Variants in LRMDA observed in about 807,000 individuals in gnomAD.
The protein encoded by LRMDA is leucine-rich melanocyte differentiation-associated protein.
In LRMDA, 18 loss-of-function variants were observed where a neutral mutation model predicts 29.8. The observed-to-expected ratio is 0.60, with a 90% CI of 0.42 to 0.90. The LOEUF is 0.90. Ranked by LOEUF, LRMDA falls within the 40% of genes least tolerant of loss-of-function variation. LRMDA has a pLI of 0.00. For missense variants in LRMDA, 273 were observed against 273.9 expected (o/e 1.00, Z 0.02); for synonymous variants, 125 against 109.4 (o/e 1.14, Z -0.89).
chr10:76,389,762 A>T (rs1334812243), intron 6 of LRMDA, among the ~76,000 whole-genome samples: 1 of 152,222 alleles, frequency 6.6e-6, no homozygotes, highest in Non-Finnish European at 1.5e-5. Flanking sequence ...GCTTAGCATA[A>T]TGTCCTCAAA....
intron 6 of LRMDA, among the ~76,000 whole-genome samples, chr10:76,486,275 T>C (rs1842781534): frequency 6.6e-6 from 1 of 151,952 alleles, no homozygotes; most frequent in Non-Finnish European, 1.5e-5. Flanking sequence ...GTAATTCCAA[T>C]GTCAATTAAG....
chr10:76,147,571 T>C (rs1850352246), intron 5 of LRMDA, among the ~76,000 whole-genome samples: 1 of 152,122 alleles, frequency 6.6e-6, no homozygotes, highest in Non-Finnish European at 1.5e-5. Flanking sequence ...TTGGTTATTC[T>C]AGTTATCCAT....
chr10:76,034,060 G>C (rs764689579), intron 2 of LRMDA, among the ~76,000 whole-genome samples: 10 of 152,180 alleles, frequency 6.6e-5, no homozygotes, highest in Non-Finnish European at 1.2e-4. Context: ...GAGCTGGAAG[G>C]AACACAGAAC....
chr10:75,835,398 T>G (rs1844416047), intron 2 of LRMDA, among the ~76,000 whole-genome samples: 2 of 152,240 alleles, frequency 1.3e-5, no homozygotes, highest in Non-Finnish European at 2.9e-5. Context: ...GTGATGACAT[T>G]GGGTCCACCC....
chr10:75,669,832 T>C (rs1407142621), intron 2 of LRMDA, among the ~76,000 whole-genome samples: 1 of 152,222 alleles, frequency 6.6e-6, no homozygotes, highest in Non-Finnish European at 1.5e-5. Context: ...AAGAAAATGA[T>C]AGCTAAGTAC....
At chr10:76,017,360 C>T (rs1847895397) in intron 2 of LRMDA, among the ~76,000 whole-genome samples, 1 of 152,228 alleles carries the variant, frequency 6.6e-6, no homozygotes, top group Non-Finnish European at 1.5e-5. Flanking sequence ...CTAGTGCCTT[C>T]AGAGGGAGCG....
chr10:75,614,724 G>A (rs889733804), intron 2 of LRMDA, among the ~76,000 whole-genome samples: 2 of 151,762 alleles, frequency 1.3e-5, no homozygotes, highest in African/African-American at 4.8e-5. Flanking sequence ...TAATAGCTGT[G>A]TTACTCATGA....
intron 6 of LRMDA, among the ~76,000 whole-genome samples, chr10:76,334,860 A>G (rs1840948513): frequency 6.6e-6 from 1 of 152,126 alleles, no homozygotes; most frequent in Non-Finnish European, 1.5e-5. Flanking sequence ...CATGTAGGAG[A>G]TGAAAAAGAA....
At chr10:76,432,381 A>T (rs764205532) in intron 6 of LRMDA, among the ~76,000 whole-genome samples, 3 of 152,144 alleles carry the variant, frequency 2.0e-5, no homozygotes, top group Non-Finnish European at 4.4e-5. Flanking sequence ...AACCTTCCCT[A>T]CAATTTCTCT....
intron 6 of LRMDA, among the ~76,000 whole-genome samples, chr10:76,440,939 T>C (rs1842296208): frequency 6.6e-6 from 1 of 152,224 alleles, no homozygotes; most frequent in East Asian, 1.9e-4. Flanking sequence ...ATCAGCTGAC[T>C]CTGACAGAGT....
intron 5 of LRMDA, among the ~76,000 whole-genome samples, chr10:76,096,403 A>G (rs1438372267): frequency 6.6e-5 from 10 of 151,880 alleles, no homozygotes; most frequent in Admixed American, 5.9e-4. Context: ...CTTGCCTTTC[A>G]TCTTTGTCAA....
intron 2 of LRMDA, among the ~76,000 whole-genome samples, chr10:75,844,666 C>T (rs992598674): frequency 6.6e-6 from 1 of 152,120 alleles, no homozygotes; most frequent in Non-Finnish European, 1.5e-5. Flanking sequence ...ATGTCAAGAC[C>T]CCTTAGGTCG....
intron 2 of LRMDA, among the ~76,000 whole-genome samples, chr10:76,029,999 G>A (rs186540994): frequency 3.3e-5 from 5 of 152,266 alleles, no homozygotes; most frequent in East Asian, 3.9e-4. Context: ...GGGCTCAAGC[G>A]ATTCTCTTGC....
chr10:75,724,708 A>C (rs988181828), intron 2 of LRMDA, among the ~76,000 whole-genome samples: 2 of 152,184 alleles, frequency 1.3e-5, no homozygotes, highest in Admixed American at 1.3e-4. Flanking sequence ...GTTAAGCTAA[A>C]GGGTTCTTCA....
At chr10:75,748,634 T>G (rs1842917450) in intron 2 of LRMDA, among the ~76,000 whole-genome samples, 1 of 152,180 alleles carries the variant, frequency 6.6e-6, no homozygotes, top group African/African-American at 2.4e-5. Flanking sequence ...GGTACTGTGT[T>G]TGCTCCGTTA....
At chr10:76,493,046 A>G (rs1288942953) in intron 6 of LRMDA, among the ~76,000 whole-genome samples, 1 of 152,054 alleles carries the variant, frequency 6.6e-6, no homozygotes, top group East Asian at 1.9e-4. Context: ...TGATTGTTCA[A>G]GGCCCCAGGG....
intron 6 of LRMDA, among the ~76,000 whole-genome samples, chr10:76,513,483 A>T (rs1843028402): frequency 6.6e-6 from 1 of 152,118 alleles, no homozygotes; most frequent in Admixed American, 6.5e-5. Flanking sequence ...AGATGTATAT[A>T]TACACATTTT....
At chr10:76,262,238 C>A (rs1839952982) in intron 5 of LRMDA, among the ~76,000 whole-genome samples, 1 of 152,020 alleles carries the variant, frequency 6.6e-6, no homozygotes, top group South Asian at 2.1e-4. Context: ...TTAAAGTAAA[C>A]CAAAAGCCTT....
At position 76,324,421 on chromosome 10, in the gene LRMDA, C is replaced by T. The variant is rs1053784189; in HGVS notation, c.537C>T (p.Ala179=). 4 of 1,613,966 alleles carry T rather than the reference C, an allele frequency of 2.5e-6. No homozygotes were observed. The highest frequency in any genetic ancestry group is 1.6e-4 in the Middle Eastern group (1 of 6,082). ...CACAGGCTTCTAGTGAGGACGTTGC[C>T]AGCTCCCCGGAGCGCCACTACACGC... is the stretch of plus-strand genomic sequence containing the variant. ...VKPKASSEDV[A]SSPERHYTPL... Residue 179 remains alanine (A), a synonymous_variant, in exon 6 of 7, where the codon GCC becomes GCT. Coordinates refer to ENST00000611255, the MANE Select transcript of LRMDA (RefSeq NM_001305581.2).
Sources: allele counts gnomAD v4.1 joint callset (sites outside exome capture counted in the v4.1 genomes callset), GRCh38; gene constraint gnomAD v4.1.1; transcripts MANE v1.5; gene names NCBI Gene and HGNC (gene_info 2026-07-23, HGNC 2026-07-21).